Variants in COG5 observed in about 807,000 individuals in gnomAD.
The protein encoded by COG5 is conserved oligomeric Golgi complex subunit 5.
Under a neutral mutation model 110.4 loss-of-function variants are expected in COG5, and 86 were observed. That is an observed-to-expected ratio of 0.78 (90% confidence interval 0.65 to 0.93). COG5 has a LOEUF of 0.93. COG5 is among the 40% of genes least tolerant of loss of function. The pLI is 0.00. For synonymous variants in COG5, 360 were observed against 334.6 expected, an observed-to-expected ratio of 1.08 and a Z score of -0.83; for missense variants, 1,077 against 987.0, an observed-to-expected ratio of 1.09 and a Z score of -1.22.
Position 107,210,620 on chromosome 7 carries a change from C to G in COG5, c.2296-15G>C, listed in dbSNP as rs751658237. The G allele has an allele frequency of 7.5e-6, 12 of 1,590,134 alleles. No individual in the cohort carries two copies. Among genetic ancestry groups the G allele is most frequent in the Non-Finnish European group, 1.0e-5 (12 of 1,167,106 alleles). On this transcript the variant is annotated splice_polypyrimidine_tract_variant and intron_variant, in intron 20 of 21. Coordinates refer to ENST00000297135, the MANE Select transcript of COG5 (RefSeq NM_006348.5). ...CACTCTGCCCTCTGCAGGGTTGAAA[C>G]ACAATTAGAGAGAGTGCATACGCAT...
intron 14 of COG5, among the ~76,000 whole-genome samples, chr7:107,263,145 A>G (rs1312649128): frequency 6.6e-6 from 1 of 152,160 alleles, no homozygotes; most frequent in African/African-American, 2.4e-5. Flanking sequence ...TTGTGGTAAC[A>G]AAGTATCTTG....
At chr7:107,458,638 T>A (rs1254393730) in intron 6 of COG5, among the ~76,000 whole-genome samples, 2 of 152,156 alleles carry the variant, frequency 1.3e-5, no homozygotes, top group African/African-American at 4.8e-5. Flanking sequence ...AAGGATCACA[T>A]GAGGCCAGGA....
At chr7:107,301,660 G>C (rs553585454) in intron 11 of COG5, among the ~76,000 whole-genome samples, 41 of 152,214 alleles carry the variant, frequency 2.7e-4, no homozygotes, top group African/African-American at 9.2e-4. Context: ...CCTGAGGTCG[G>C]GAGTTTGAGA....
chr7:107,378,377 C>T (rs550007139), intron 7 of COG5, among the ~76,000 whole-genome samples: 2 of 152,242 alleles, frequency 1.3e-5, no homozygotes, highest in South Asian at 4.1e-4. Context: ...TCCAGAAAAT[C>T]ACAACTCCTC....
chr7:107,309,057 G>A (rs1807985628), intron 11 of COG5, among the ~76,000 whole-genome samples: 2 of 148,450 alleles, frequency 1.3e-5, no homozygotes, highest in South Asian at 4.3e-4. Context: ...TGATAAAGGG[G>A]TTCAGTACTA....
At chr7:107,416,688 T>A (rs972097222) in intron 6 of COG5, among the ~76,000 whole-genome samples, 1 of 152,198 alleles carries the variant, frequency 6.6e-6, no homozygotes, top group South Asian at 2.1e-4. Flanking sequence ...GTATTTCATA[T>A]GTTCCCCCAT....
At chr7:107,509,529 A>G (rs1799326999) in intron 6 of COG5, among the ~76,000 whole-genome samples, 1 of 152,190 alleles carries the variant, frequency 6.6e-6, no homozygotes, top group Admixed American at 6.5e-5. Flanking sequence ...CAACATTCAG[A>G]TTCAGGAAAT....
chr7:107,420,396 C>T (rs1243058525), intron 6 of COG5, among the ~76,000 whole-genome samples: 2 of 152,094 alleles, frequency 1.3e-5, no homozygotes, highest in East Asian at 3.8e-4. Flanking sequence ...AGAAGAAGCA[C>T]CCGGAAGAAC....
At chr7:107,482,258 T>G (rs1797398660) in intron 6 of COG5, among the ~76,000 whole-genome samples, 1 of 151,592 alleles carries the variant, frequency 6.6e-6, no homozygotes, top group Non-Finnish European at 1.5e-5. Context: ...TTCTCACACC[T>G]CAGCCTCCTG....
At chr7:107,371,003 C>T (rs1256509037) in intron 8 of COG5, among the ~76,000 whole-genome samples, 2 of 151,726 alleles carry the variant, frequency 1.3e-5, no homozygotes, top group African/African-American at 4.8e-5. Context: ...TCATTTTTTT[C>T]CCCATTCTTG....
chr7:107,473,982 T>C (rs1796813569), intron 6 of COG5: 2 of 697,918 alleles, frequency 2.9e-6, no homozygotes, highest in East Asian at 5.3e-5. Flanking sequence ...GAACACGTTA[T>C]ACGTCATTTA....
At chr7:107,327,209 C>T (rs1019645390) in intron 10 of COG5, among the ~76,000 whole-genome samples, 4 of 152,056 alleles carry the variant, frequency 2.6e-5, no homozygotes, top group African/African-American at 4.8e-5. Context: ...ACAGTCTCTT[C>T]AATAAATGCT....
At chr7:107,362,825 A>C (rs992270745) in intron 8 of COG5, among the ~76,000 whole-genome samples, 3 of 151,984 alleles carry the variant, frequency 2.0e-5, no homozygotes, top group Non-Finnish European at 2.9e-5. Flanking sequence ...AAAAAAAAAA[A>C]AAACCCTAAA....
chr7:107,289,868 TC>T (rs1806017875), intron 12 of COG5, among the ~76,000 whole-genome samples: 2 of 152,166 alleles, frequency 1.3e-5, no homozygotes, highest in African/African-American at 4.8e-5. Flanking sequence ...CCTACCTACC[TC>T]CTGTGCCAAA....
At chr7:107,563,557 G>T (rs953836520) in intron 1 of COG5, 5 of 475,764 alleles carry the variant, frequency 1.1e-5, no homozygotes, top group East Asian at 3.9e-5. Context: ...GGGGGGGGGG[G>T]GTCGAGTTGA....
At chr7:107,360,456 T>A (rs1813008547) in intron 10 of COG5, among the ~76,000 whole-genome samples, 1 of 152,150 alleles carries the variant, frequency 6.6e-6, no homozygotes, top group South Asian at 2.1e-4. Context: ...GCTCACCACA[T>A]TCTGGGCAAC....
At chr7:107,207,871 C>G in intron 21 of COG5, 1 of 985,426 alleles carries the variant, frequency 1.0e-6, no homozygotes. Flanking sequence ...CCCATTTATT[C>G]AGCAGCAGTA....
intron 6 of COG5, among the ~76,000 whole-genome samples, chr7:107,446,179 A>G (rs1794996177): frequency 6.6e-6 from 1 of 152,244 alleles, no homozygotes; most frequent in African/African-American, 2.4e-5. Flanking sequence ...AAATATCTCA[A>G]GATCCTTAAT....
At chr7:107,241,795 T>A (rs1378752687) in intron 17 of COG5, among the ~76,000 whole-genome samples, 1 of 152,086 alleles carries the variant, frequency 6.6e-6, no homozygotes, top group African/African-American at 2.4e-5. Flanking sequence ...TCTTTCCTTT[T>A]TTTGAAACAG....
Sources: allele counts gnomAD v4.1 joint callset (sites outside exome capture counted in the v4.1 genomes callset), GRCh38; gene constraint gnomAD v4.1.1; transcripts MANE v1.5; gene names NCBI Gene and HGNC (gene_info 2026-07-23, HGNC 2026-07-21).